Variants in MSANTD5 observed in about 807,000 individuals in gnomAD.
MSANTD5 encodes Myb/SANT DNA binding domain containing 5.
chr5:178,691,556 C>A (rs896969189), downstream of MSANTD5, among the ~76,000 whole-genome samples: 1 of 136,040 alleles, frequency 7.4e-6, no homozygotes, highest in South Asian at 2.2e-4. Context: ...GTAAATTGTA[C>A]CTCACAAAGT....
chr5:178,702,909 C>T, the MSANTD5 span, among the ~76,000 whole-genome samples: 1 of 152,100 alleles, frequency 6.6e-6, no homozygotes, highest in Non-Finnish European at 1.5e-5. Context: ...TGTCAATTTT[C>T]CCCTAAATGG....
downstream of MSANTD5, among the ~76,000 whole-genome samples, chr5:178,691,675 T>A (rs1347048835): frequency 2.2e-5 from 3 of 135,862 alleles, 1 homozygote; most frequent in African/African-American, 7.9e-5. Flanking sequence ...GAATATATTT[T>A]AAAAAACTCT....
chr5:178,695,857 G>T (rs1368527932), intron 2 of MSANTD5, among the ~76,000 whole-genome samples: 1 of 152,174 alleles, frequency 6.6e-6, no homozygotes, highest in Non-Finnish European at 1.5e-5. Flanking sequence ...TACTGACAGG[G>T]TGTGATGGCA....
chr5:178,703,939 C>T, the MSANTD5 span, among the ~76,000 whole-genome samples: 1 of 150,886 alleles, frequency 6.6e-6, no homozygotes, highest in African/African-American at 2.4e-5. Flanking sequence ...CGAGATCACG[C>T]CACTGCACTC....
the MSANTD5 span, among the ~76,000 whole-genome samples, chr5:178,703,952 G>A: frequency 6.7e-6 from 1 of 148,784 alleles, no homozygotes; most frequent in East Asian, 2.0e-4. Flanking sequence ...CTGCACTCCA[G>A]CCTGGGGGAC....
chr5:178,706,419 G>T, the MSANTD5 span, among the ~76,000 whole-genome samples: 1 of 152,058 alleles, frequency 6.6e-6, no homozygotes, highest in African/African-American at 2.4e-5. Context: ...CTGTTGCACT[G>T]CGGCTCTGCT....
At chr5:178,698,432 A>G (rs1043568232), upstream of MSANTD5, among the ~76,000 whole-genome samples, 2 of 92,058 alleles carry the variant, frequency 2.2e-5, no homozygotes, top group Admixed American at 2.7e-4. Flanking sequence ...GATGCAGTCC[A>G]GGATTAGGGA....
chr5:178,692,571 T>C (rs1040819992), downstream of MSANTD5, among the ~76,000 whole-genome samples: 17 of 151,972 alleles, frequency 1.1e-4, no homozygotes, highest in Non-Finnish European at 2.5e-4. Flanking sequence ...CAACAGCTTC[T>C]TCTACATCCA....
upstream of MSANTD5, among the ~76,000 whole-genome samples, chr5:178,702,291 C>CTTTTTTTTTTTT (rs906079918): frequency 1.4e-5 from 2 of 142,188 alleles, no homozygotes; most frequent in Admixed American, 7.0e-5. Flanking sequence ...ATTTTTCTTT[C>CTTTTTTTTTTTT]TTTTTTTTTC....
upstream of MSANTD5, among the ~76,000 whole-genome samples, chr5:178,700,560 G>A (rs1315703376): frequency 6.6e-6 from 1 of 152,124 alleles, no homozygotes; most frequent in African/African-American, 2.4e-5. Flanking sequence ...CCCCTGGGAG[G>A]TGGGAGATTA....
chr5:178,695,351 T>C (rs1319941102), exon 3 of MSANTD5: 1 of 152,272 alleles, frequency 6.6e-6, no homozygotes, highest in African/African-American at 2.4e-5. Context: ...CATAAGGACA[T>C]GGCAAGGGTT....
At position 178,696,865 on chromosome 5, in the gene MSANTD5, A is replaced by C. The variant is rs995111283; in HGVS notation, c.7-684T>G. On this transcript the variant is annotated intron_variant, in intron 1 of 3. Coordinates refer to ENST00000648368, the Ensembl canonical transcript of MSANTD5. The stretch of plus-strand genomic sequence containing the variant: ...GGGAAGTCCCCTGTCCAAGCAGATC[A>C]GAGCATGAATGAGAGGAAACTGCCT... Among the ~76,000 whole-genome samples, 5 of 152,028 alleles carry C rather than the reference A, an allele frequency of 3.3e-5. 1 individual carries two copies. Among genetic ancestry groups the C allele is most frequent in the Non-Finnish European group, 5.9e-5 (4 of 67,998 alleles).
the MSANTD5 span, among the ~76,000 whole-genome samples, chr5:178,703,159 G>T: frequency 2.6e-5 from 4 of 152,218 alleles, no homozygotes; most frequent in Admixed American, 2.6e-4. Flanking sequence ...AGGTCCTCAG[G>T]GCTGCTGCTT....
upstream of MSANTD5, among the ~76,000 whole-genome samples, chr5:178,701,202 C>G (rs1422014984): frequency 6.6e-6 from 1 of 152,144 alleles, no homozygotes; most frequent in East Asian, 1.9e-4. Context: ...TGGTCTCCAA[C>G]TCTTGACCTC....
At chr5:178,696,009 G>T (rs1765408604) in intron 2 of MSANTD5, 88 bp downstream of exon 2, 1 of 152,158 alleles carries the variant, frequency 6.6e-6, no homozygotes, top group Non-Finnish European at 1.5e-5. Context: ...CCCCCTCTTG[G>T]GGCTTGGATG....
At chr5:178,697,261 TG>T (rs374331244) in intron 1 of MSANTD5, among the ~76,000 whole-genome samples, 9,449 of 151,450 alleles carry the variant, frequency 0.062, 400 homozygotes, top group Non-Finnish European at 0.085. Context: ...GAGACCATCC[TG>T]GCTAACACGG....
At chr5:178,704,417 A>C in the MSANTD5 span, among the ~76,000 whole-genome samples, 1 of 152,172 alleles carries the variant, frequency 6.6e-6, no homozygotes, top group Non-Finnish European at 1.5e-5. Flanking sequence ...TCACCACCTG[A>C]AGAAGGAGCT....
chr5:178,706,328 T>C, the MSANTD5 span, among the ~76,000 whole-genome samples: 1 of 152,172 alleles, frequency 6.6e-6, no homozygotes, highest in African/African-American at 2.4e-5. Context: ...GTATCCTTGC[T>C]TTCATCTCCA....
At chr5:178,700,479 G>A (rs1765465247), upstream of MSANTD5, among the ~76,000 whole-genome samples, 1 of 152,168 alleles carries the variant, frequency 6.6e-6, no homozygotes, top group African/African-American at 2.4e-5. Flanking sequence ...TGCCTTAAAG[G>A]AGTATCACGG....
Sources: allele counts gnomAD v4.1 joint callset (sites outside exome capture counted in the v4.1 genomes callset), GRCh38; gene constraint gnomAD v4.1.1; transcripts MANE v1.5; gene names NCBI Gene and HGNC (gene_info 2026-07-23, HGNC 2026-07-21).